EFCAB13: variants seen among roughly 807,000 people sequenced by gnomAD.
EFCAB13 encodes EF-hand calcium-binding domain-containing protein 13.
EFCAB13 carries 91 observed loss-of-function variants against 110.2 expected under a neutral mutation model. The observed-to-expected ratio is 0.83, with a 90% CI of 0.70 to 0.98. EFCAB13 has a LOEUF of 0.98. EFCAB13 is among the 50% of genes least tolerant of loss of function. The pLI is 0.00. For missense variants in EFCAB13, 968 were observed against 1,119.4 expected (o/e 0.86, Z 1.93); for synonymous variants, 323 against 369.9 (o/e 0.87, Z 1.45).
intron 22 of EFCAB13, 40 bp from the exon 23 acceptor site, chr17:47,414,808 C>A: frequency 7.5e-7 from 1 of 1,328,002 alleles, no homozygotes; most frequent in South Asian, 1.2e-5. Context: ...AATTCAGTAT[C>A]AGGTTTTTAA....
At chr17:47,434,680 T>G (rs532183105) in intron 24 of EFCAB13, among the ~76,000 whole-genome samples, 4 of 152,306 alleles carry the variant, frequency 2.6e-5, no homozygotes, top group African/African-American at 9.6e-5. Context: ...AGCATGGTAC[T>G]GTTATAAAAA....
At chr17:47,351,304 T>C (rs141278143) in intron 9 of EFCAB13, among the ~76,000 whole-genome samples, 1,691 of 123,024 alleles carry the variant, frequency 0.014, 31 homozygotes, top group African/African-American at 0.036. Context: ...TGTGTGTGTG[T>C]GCGCGCGCGC....
intron 14 of EFCAB13, among the ~76,000 whole-genome samples, chr17:47,379,621 T>C (rs528332837): frequency 1.3e-5 from 2 of 152,150 alleles, no homozygotes; most frequent in African/African-American, 4.8e-5. Flanking sequence ...CACCTTTGAT[T>C]TAGAACTTTT....
At chr17:47,382,219 C>A (rs916303841) in intron 14 of EFCAB13, among the ~76,000 whole-genome samples, 1 of 152,080 alleles carries the variant, frequency 6.6e-6, no homozygotes, top group African/African-American at 2.4e-5. Flanking sequence ...ATCCTGAGAC[C>A]TTGCTGAAGT....
Position 47,391,662 on chromosome 17 carries a change from C to T in EFCAB13, c.1726+82C>T. On this transcript the variant is annotated intron_variant, in intron 15 of 24. Coordinates refer to ENST00000331493, the MANE Select transcript of EFCAB13 (RefSeq NM_152347.5). ...TGTTATTTTTTTCTTAGAAAAATGA[C>T]TAATTTTTTTATTATAAAAAGTTAA... is the stretch of plus-strand genomic sequence containing the variant. 2.4e-6 allele frequency: 3 copies of T among 1,268,910 alleles called. No homozygotes were observed. In the South Asian group the frequency reaches 5.0e-5, roughly 21 times the overall value. The allele number at this position is 1,268,910 out of a possible 1,614,324, so 78.6% of individuals were successfully genotyped here.
intron 10 of EFCAB13, among the ~76,000 whole-genome samples, chr17:47,366,314 G>GTT (rs773136385): frequency 1.4e-3 from 199 of 144,898 alleles, no homozygotes; most frequent in Middle Eastern, 7.2e-3. Flanking sequence ...TGGTATAGCA[G>GTT]TTTTTTTTTT....
At chr17:47,413,214 A>G (rs973901946) in intron 22 of EFCAB13, among the ~76,000 whole-genome samples, 4 of 151,268 alleles carry the variant, frequency 2.6e-5, no homozygotes, top group East Asian at 1.9e-4. Flanking sequence ...TTATTTTGAT[A>G]TGCAATCTTT....
rs1342811838 is a variant in EFCAB13 at position 47,372,337 on chromosome 17, C to A, written c.877+1829C>A. Among the ~76,000 whole-genome samples the A allele has an allele frequency of 6.6e-5, 10 of 152,236 alleles. No homozygotes were observed. The East Asian group carries it at 1.9e-3, about 29-fold the overall frequency. On this transcript the variant is annotated intron_variant, in intron 11 of 24. Coordinates refer to ENST00000331493, the MANE Select transcript of EFCAB13 (RefSeq NM_152347.5). The stretch of plus-strand genomic sequence containing the variant: ...GCTGATAGCAAGTTAGCTTTGCTTG[C>A]ATAAACAAACTATGCTTTTACCTCA...
intron 10 of EFCAB13, among the ~76,000 whole-genome samples, chr17:47,368,944 A>C (rs554960214): frequency 2.0e-5 from 3 of 152,318 alleles, no homozygotes; most frequent in African/African-American, 7.2e-5. Context: ...TCTTCCAGCA[A>C]TTTCCCACTT....
intron 5 of EFCAB13, among the ~76,000 whole-genome samples, chr17:47,335,783 CAT>C (rs907394594): frequency 6.6e-6 from 1 of 152,178 alleles, no homozygotes; most frequent in African/African-American, 2.4e-5. Context: ...GGAAGTGCCA[CAT>C]ACTTTTAAAC....
At chr17:47,400,207 C>T (rs8074451) in intron 17 of EFCAB13, among the ~76,000 whole-genome samples, 96,231 of 152,046 alleles carry the variant, frequency 0.63, 30,858 homozygotes, top group African/African-American at 0.71. Context: ...ATCTTCATGA[C>T]TTTTTATGCA....
chr17:47,403,832 G>A (rs1746448088), intron 18 of EFCAB13, 46 bp from the exon 19 acceptor site: 2 of 1,532,920 alleles, frequency 1.3e-6, no homozygotes, highest in South Asian at 1.3e-5. Context: ...AATGTCTTGA[G>A]TGATGGCTAC....
chr17:47,374,343 T>A (rs2065601408), intron 11 of EFCAB13, 129 bp from the exon 12 acceptor site: 1 of 725,076 alleles, frequency 1.4e-6, no homozygotes, highest in African/African-American at 1.9e-5. Flanking sequence ...TTAATTTTTT[T>A]GGTTTGTTTT....
At position 47,397,019 on chromosome 17, in the gene EFCAB13, TCTCCCC is replaced by T. The variant is rs1042874660; in HGVS notation, c.1945+1063_1945+1068del. ...GATATGAAAATAACGTCCCTCTCCC[TCTCCCC>T]CTCCCCCTCCCCCTCCCCCTTTCCC... On this transcript the variant is annotated intron_variant, in intron 17 of 24. Transcript: ENST00000331493. 8.8e-4 allele frequency among the ~76,000 whole-genome samples: 114 copies of T among 129,210 alleles called. 1 individual carries two copies. The highest frequency in any genetic ancestry group is 3.0e-3 in the Admixed American group (37 of 12,380). 84.8% of individuals were successfully genotyped at this position (129,210 alleles called of 152,430 possible). A position where few individuals can be genotyped will look rare whatever the true frequency, so the allele number is the denominator to read the frequency against.
Position 47,328,346 on chromosome 17 carries a change from A to G in EFCAB13, c.-8A>G. ...CCTTAAGGACAGAATTTACCTCTAAACAGAAAGATGGAAACTAAAGTACAT... is the reference window on the plus strand; with the variant it reads ...CCTTAAGGACAGAATTTACCTCTAAGCAGAAAGATGGAAACTAAAGTACAT... On this transcript the variant is annotated 5_prime_UTR_variant, in exon 4 of 25. Coordinates refer to ENST00000331493, the MANE Select transcript of EFCAB13 (RefSeq NM_152347.5). 6.2e-7 allele frequency: 1 copy of G among 1,605,652 alleles called. No individual in the cohort carries two copies. The highest frequency in any genetic ancestry group is 8.5e-7 in the Non-Finnish European group (1 of 1,173,736).
At chr17:47,423,908 T>C (rs1904826923) in intron 23 of EFCAB13, among the ~76,000 whole-genome samples, 1 of 151,910 alleles carries the variant, frequency 6.6e-6, no homozygotes, top group Admixed American at 6.6e-5. Flanking sequence ...CGAGCTGCTG[T>C]TCCTGGGCGG....
chr17:47,421,422 G>C (rs1904702958), intron 23 of EFCAB13, among the ~76,000 whole-genome samples: 2 of 151,970 alleles, frequency 1.3e-5, no homozygotes, highest in Non-Finnish European at 2.9e-5. Context: ...ACAGATGCTT[G>C]AAGGCAGCAT....
chr17:47,361,548 T>G, intron 10 of EFCAB13, 27 bp downstream of exon 10: 1 of 1,570,480 alleles, frequency 6.4e-7, no homozygotes, highest in Non-Finnish European at 8.8e-7. Context: ...GAGATATATA[T>G]GTCCATATAT....
intron 17 of EFCAB13, among the ~76,000 whole-genome samples, chr17:47,399,876 C>T (rs1273322168): frequency 1.3e-5 from 2 of 152,146 alleles, no homozygotes; most frequent in African/African-American, 2.4e-5. Flanking sequence ...CTTATGAGCT[C>T]TCTTGTTTCT....
Sources: gnomAD v4.1 joint callset for allele counts (sites outside exome capture counted in the v4.1 genomes callset) on GRCh38, gnomAD v4.1.1 for gene constraint, MANE v1.5 for transcripts, NCBI Gene and HGNC (gene_info 2026-07-23, HGNC 2026-07-21) for gene names.